NRG1: variants seen among roughly 807,000 people sequenced by gnomAD.
NRG1 encodes the protein pro-neuregulin-1, membrane-bound isoform.
A neutral mutation model predicts 63.8 loss-of-function variants in NRG1; 18 were observed. The observed-to-expected ratio is 0.28, with a 90% CI of 0.19 to 0.42. The LOEUF (loss-of-function observed/expected upper bound fraction) is 0.42. Ranked by LOEUF, NRG1 falls within the 10% of genes least tolerant of loss-of-function variation. The pLI, the probability that NRG1 is intolerant of heterozygous loss-of-function variation, is 1.00. For synonymous variants in NRG1, 302 were observed against 301.3 expected (o/e 1.00, Z -0.02); for missense variants, 762 against 814.7 (o/e 0.94, Z 0.79).
intron 1 of NRG1, among the ~76,000 whole-genome samples, chr8:31,998,845 A>C (rs1212386439): frequency 6.6e-6 from 1 of 151,988 alleles, no homozygotes; most frequent in East Asian, 1.9e-4. Flanking sequence ...TGCAATGTTC[A>C]TTTTGATTAT....
At chr8:32,321,257 A>G (rs1194206081) in intron 1 of NRG1, among the ~76,000 whole-genome samples, 1 of 152,190 alleles carries the variant, frequency 6.6e-6, no homozygotes, top group Non-Finnish European at 1.5e-5. Flanking sequence ...AAGCCTTACT[A>G]TAACTTGCCT....
At chr8:32,404,816 G>A (rs1813739235) in intron 1 of NRG1, among the ~76,000 whole-genome samples, 1 of 151,888 alleles carries the variant, frequency 6.6e-6, no homozygotes, top group African/African-American at 2.4e-5. Flanking sequence ...AACTCCTAAT[G>A]TCAAGTGATC....
In NRG1 at chr8:32,616,821, T is replaced by G. The variant is rs1473756538; in HGVS notation, c.452-14T>G. 1.9e-6 allele frequency: 3 copies of G among 1,599,042 alleles called. No homozygotes were observed. The highest frequency in any genetic ancestry group is 2.6e-6 in the Non-Finnish European group (3 of 1,166,770). Reference sequence around the variant, plus strand: ...TGACTCAATAAAGCCTCATTCCACTTTTATGTTTTATAGAGTCTCCCATTA... The same window carrying G: ...TGACTCAATAAAGCCTCATTCCACTGTTATGTTTTATAGAGTCTCCCATTA... On this transcript the variant is annotated splice_polypyrimidine_tract_variant and intron_variant, in intron 4 of 11. Transcript: ENST00000356819.
intron 1 of NRG1, among the ~76,000 whole-genome samples, chr8:32,270,830 C>A (rs1233797972): frequency 1.3e-5 from 2 of 151,472 alleles, no homozygotes; most frequent in Non-Finnish European, 2.9e-5. Flanking sequence ...TGCTACAAGT[C>A]TTTTTTTTTC....
chr8:31,704,521 T>G (rs968884591), intron 1 of NRG1, among the ~76,000 whole-genome samples: 10 of 152,194 alleles, frequency 6.6e-5, no homozygotes, highest in South Asian at 4.2e-4. Flanking sequence ...TGACATTTTT[T>G]GGGGGGTTAG....
chr8:32,341,527 C>A (rs1469210453), intron 1 of NRG1, among the ~76,000 whole-genome samples: 2 of 152,176 alleles, frequency 1.3e-5, no homozygotes, highest in African/African-American at 4.8e-5. Flanking sequence ...TCCTGCTGTC[C>A]TGTGGGCAGT....
At chr8:32,713,031 C>T (rs1818199455) in intron 5 of NRG1, among the ~76,000 whole-genome samples, 2 of 152,172 alleles carry the variant, frequency 1.3e-5, no homozygotes, top group East Asian at 1.9e-4. Context: ...CAAAAGACCA[C>T]GTGACTCAAT....
At chr8:31,856,407 G>C (rs1240734301) in intron 1 of NRG1, among the ~76,000 whole-genome samples, 7 of 152,104 alleles carry the variant, frequency 4.6e-5, no homozygotes, top group African/African-American at 1.7e-4. Flanking sequence ...GATTGCATTG[G>C]CTCTTGAGGC....
At chr8:32,002,821 G>C (rs1331336951) in intron 1 of NRG1, among the ~76,000 whole-genome samples, 1 of 152,040 alleles carries the variant, frequency 6.6e-6, no homozygotes, top group Non-Finnish European at 1.5e-5. Flanking sequence ...TCTACATTAA[G>C]CTAAACATGA....
chr8:32,371,484 C>T (rs1808850875), intron 1 of NRG1, among the ~76,000 whole-genome samples: 1 of 152,124 alleles, frequency 6.6e-6, no homozygotes, highest in African/African-American at 2.4e-5. Flanking sequence ...ATCTAGTCTC[C>T]ACAGCTAGCT....
At chr8:32,098,802 G>A (rs182184233) in intron 1 of NRG1, 65 of 152,232 alleles carry the variant, frequency 4.3e-4, no homozygotes, top group African/African-American at 1.5e-3. Context: ...AGATGATGAG[G>A]TAAAAACACA....
chr8:32,618,450 AGTTTAT>A (rs1359273977), intron 5 of NRG1, among the ~76,000 whole-genome samples: 2 of 152,312 alleles, frequency 1.3e-5, no homozygotes, highest in African/African-American at 4.8e-5. Context: ...TAAATCTCTC[AGTTTAT>A]GTTTCTATTC....
chr8:31,791,537 A>G (rs1372556264), intron 1 of NRG1, among the ~76,000 whole-genome samples: 1 of 152,154 alleles, frequency 6.6e-6, no homozygotes, highest in African/African-American at 2.4e-5. Context: ...TCACAATATT[A>G]CCTAATGCTA....
At chr8:31,833,287 G>T (rs1027297138) in intron 1 of NRG1, among the ~76,000 whole-genome samples, 13 of 152,116 alleles carry the variant, frequency 8.5e-5, no homozygotes, top group African/African-American at 3.1e-4. Context: ...CAGGTATTTG[G>T]CTCAGAAAAG....
intron 1 of NRG1, among the ~76,000 whole-genome samples, chr8:31,897,886 G>C (rs1831714550): frequency 6.6e-6 from 1 of 151,372 alleles, no homozygotes; most frequent in African/African-American, 2.4e-5. Flanking sequence ...TAGGCGTGGT[G>C]GTGGGTGCCT....
At chr8:31,800,837 C>CTT (rs5890598) in intron 1 of NRG1, among the ~76,000 whole-genome samples, 4,393 of 104,846 alleles carry the variant, frequency 0.042, 329 homozygotes, top group Middle Eastern at 0.065. Flanking sequence ...AGTCTCCTTT[C>CTT]TTTTTTTTTT....
At chr8:32,426,873 C>G (rs1162898356) in intron 1 of NRG1, among the ~76,000 whole-genome samples, 3 of 152,174 alleles carry the variant, frequency 2.0e-5, no homozygotes, top group African/African-American at 4.8e-5. Flanking sequence ...GTTGCTGTTT[C>G]CTGTCTTGAA....
At chr8:32,463,310 C>T (rs1488531291) in intron 1 of NRG1, among the ~76,000 whole-genome samples, 1 of 152,060 alleles carries the variant, frequency 6.6e-6, no homozygotes, top group African/African-American at 2.4e-5. Context: ...TTTGGGCATA[C>T]CCAGAAGAGG....
chr8:32,347,499 C>T, intron 1 of NRG1, among the ~76,000 whole-genome samples: 1 of 152,186 alleles, frequency 6.6e-6, no homozygotes, highest in Non-Finnish European at 1.5e-5. Flanking sequence ...TTGATTTAGG[C>T]ATCTCAGATT....
Sources: gnomAD v4.1 joint callset for allele counts (sites outside exome capture counted in the v4.1 genomes callset) on GRCh38, gnomAD v4.1.1 for gene constraint, MANE v1.5 for transcripts, NCBI Gene and HGNC (gene_info 2026-07-23, HGNC 2026-07-21) for gene names.